The following SMCP variants were observed in gnomAD, a reference collection of about 807,000 sequenced individuals.
The protein encoded by SMCP is sperm mitochondria associated cysteine rich protein, also known as sperm mitochondrial-associated cysteine-rich protein.
For synonymous variants in SMCP, 41 were observed against 46.9 expected (o/e 0.87, Z 0.51); for missense variants, 137 against 137.1 (o/e 1.00, Z 0.01).
At chr1:152,882,777 C>T (rs1156848863) in intron 1 of SMCP, among the ~76,000 whole-genome samples, 1 of 152,232 alleles carries the variant, frequency 6.6e-6, no homozygotes, top group Non-Finnish European at 1.5e-5. Flanking sequence ...GGGACATTGG[C>T]TCACGCCTGT....
chr1:152,883,687 G>A (rs1255516715), intron 1 of SMCP, among the ~76,000 whole-genome samples: 1 of 152,168 alleles, frequency 6.6e-6, no homozygotes, highest in Non-Finnish European at 1.5e-5. Flanking sequence ...CAAGCCCAGA[G>A]AGATGAAGAG....
chr1:152,880,021 G>A (rs1174890613), intron 1 of SMCP, among the ~76,000 whole-genome samples: 2 of 152,096 alleles, frequency 1.3e-5, no homozygotes, highest in Non-Finnish European at 1.5e-5. Flanking sequence ...CTGCACTTTG[G>A]TCAATTCAGG....
chr1:152,880,947 T>C (rs1357010192), intron 1 of SMCP, among the ~76,000 whole-genome samples: 2 of 152,200 alleles, frequency 1.3e-5, no homozygotes, highest in East Asian at 1.9e-4. Flanking sequence ...GATTCAAACA[T>C]AGGGGTCCTT....
intron 1 of SMCP, among the ~76,000 whole-genome samples, chr1:152,883,337 C>T (rs939722162): frequency 6.6e-6 from 1 of 152,168 alleles, no homozygotes; most frequent in Non-Finnish European, 1.5e-5. Flanking sequence ...TCTGCTGTTT[C>T]CTGGCCACTT....
At chr1:152,882,158 A>G (rs1020603240) in intron 1 of SMCP, among the ~76,000 whole-genome samples, 7 of 152,048 alleles carry the variant, frequency 4.6e-5, no homozygotes, top group Non-Finnish European at 8.8e-5. Context: ...TTTTGTAGAG[A>G]CAGGGTTTCA....
chr1:152,881,209 T>A (rs1020313315), intron 1 of SMCP, among the ~76,000 whole-genome samples: 1 of 152,022 alleles, frequency 6.6e-6, no homozygotes, highest in Non-Finnish European at 1.5e-5. Context: ...ATGTCACCCA[T>A]CATTCAGGAT....
chr1:152,881,692 C>A (rs903998335), intron 1 of SMCP, among the ~76,000 whole-genome samples: 3 of 92,694 alleles, frequency 3.2e-5, no homozygotes, highest in African/African-American at 9.0e-5. Flanking sequence ...GAGACTCCGT[C>A]TCAAAAAAAA....
chr1:152,880,132 A>C (rs911892606), intron 1 of SMCP, among the ~76,000 whole-genome samples: 1 of 152,184 alleles, frequency 6.6e-6, no homozygotes, highest in African/African-American at 2.4e-5. Context: ...GAGAGGAAAA[A>C]AAAATAGCAA....
In SMCP at chr1:152,884,861, CTG is replaced by C; in HGVS notation, c.*92_*93del. On this transcript the variant is annotated 3_prime_UTR_variant, in exon 2 of 2. Coordinates refer to ENST00000368765, the MANE Select transcript of SMCP (RefSeq NM_030663.3). ...GGGATTACTGAGAGTCAGGCTAGAC[CTG>C]TGTTTAGAGAAGCAGTTTTCACAGT... 8.2e-7 allele frequency: 1 copy of C among 1,223,536 alleles called. No homozygotes were observed. 75.8% of individuals were successfully genotyped at this position (1,223,536 alleles called of 1,614,324 possible).
intron 1 of SMCP, among the ~76,000 whole-genome samples, chr1:152,879,488 T>C (rs1311447693): frequency 6.6e-6 from 1 of 152,172 alleles, no homozygotes; most frequent in African/African-American, 2.4e-5. Flanking sequence ...CCCAAAGCGC[T>C]GGGACAACAG....
chr1:152,879,617 T>C (rs533628027), intron 1 of SMCP, among the ~76,000 whole-genome samples: 1 of 152,082 alleles, frequency 6.6e-6, no homozygotes, highest in Non-Finnish European at 1.5e-5. Context: ...GTGGAGGATA[T>C]AGATACTATT....
intron 1 of SMCP, among the ~76,000 whole-genome samples, chr1:152,883,046 A>AAAAAAC (rs1329338361): frequency 6.6e-6 from 1 of 152,194 alleles, no homozygotes; most frequent in South Asian, 2.1e-4. Flanking sequence ...CTCCATCTCA[A>AAAAAAC]AAAAACAAAA....
Position 152,884,430 on chromosome 1 carries a change from A to G in SMCP, c.8A>G (p.Asp3Gly). 1 of 1,614,178 alleles carries G rather than the reference A, an allele frequency of 6.2e-7. No individual in the cohort carries two copies. Among genetic ancestry groups the G allele is most frequent in the Non-Finnish European group, 8.5e-7 (1 of 1,180,028 alleles). ...CCTCCAAGTGTTCAGAAGATGTGTG[A>G]CCAGACAAAACACAGTAAATGCTGC... Reference protein sequence around the residue: MCDQTKHSKCCPA... With the variant: MCGQTKHSKCCPA... The change falls in exon 2 of 2, where the codon GAC becomes GGC. Residue 3 changes from aspartate (D) to glycine (G), a missense_variant. Transcript: ENST00000368765.
intron 1 of SMCP, among the ~76,000 whole-genome samples, chr1:152,882,530 C>G (rs369661623): frequency 2.2e-4 from 33 of 152,288 alleles, no homozygotes; most frequent in African/African-American, 3.6e-4. Context: ...CACACTGGCT[C>G]TAACTGTAAA....
intron 1 of SMCP, among the ~76,000 whole-genome samples, chr1:152,883,064 CAAAG>C (rs1251461597): frequency 6.6e-6 from 1 of 152,140 alleles, no homozygotes; most frequent in Non-Finnish European, 1.5e-5. Context: ...AAAACAAAAA[CAAAG>C]AACCACTAAT....
chr1:152,881,253 G>T (rs1002964122), intron 1 of SMCP, among the ~76,000 whole-genome samples: 10 of 152,120 alleles, frequency 6.6e-5, no homozygotes, highest in Non-Finnish European at 4.4e-5. Flanking sequence ...AAAGTCACAA[G>T]GGTGATTCAG....
chr1:152,882,350 G>T (rs1042630639), intron 1 of SMCP, among the ~76,000 whole-genome samples: 5 of 152,186 alleles, frequency 3.3e-5, no homozygotes, highest in Admixed American at 2.0e-4. Flanking sequence ...GGACACAAAA[G>T]AAGAGGACAA....
intron 1 of SMCP, among the ~76,000 whole-genome samples, chr1:152,882,938 G>A (rs954151398): frequency 9.2e-5 from 14 of 152,202 alleles, no homozygotes; most frequent in African/African-American, 1.9e-4. Context: ...CAGGTACTCC[G>A]GAGGCCGAGG....
At chr1:152,883,260 G>C (rs978131619) in intron 1 of SMCP, among the ~76,000 whole-genome samples, 14 of 152,258 alleles carry the variant, frequency 9.2e-5, no homozygotes, top group South Asian at 6.2e-4. Context: ...GTCCACAGAG[G>C]GGGTACAGGC....
Sources: allele counts gnomAD v4.1 joint callset (sites outside exome capture counted in the v4.1 genomes callset), GRCh38; gene constraint gnomAD v4.1.1; transcripts MANE v1.5; gene names NCBI Gene and HGNC (gene_info 2026-07-23, HGNC 2026-07-21).